Variants in LSAMP observed in about 807,000 individuals in gnomAD.
LSAMP encodes limbic system-associated membrane protein.
Under a neutral mutation model 38.6 loss-of-function variants are expected in LSAMP, and 7 were observed. The observed-to-expected ratio is 0.18, with a 90% CI of 0.10 to 0.34. The LOEUF (loss-of-function observed/expected upper bound fraction) is 0.34. Ranked by LOEUF, LSAMP falls within the 10% of genes least tolerant of loss-of-function variation. The pLI, the probability that LSAMP is intolerant of heterozygous loss-of-function variation, is 1.00. For synonymous variants in LSAMP, 154 were observed against 166.8 expected, an observed-to-expected ratio of 0.92 and a Z score of 0.59; for missense variants, 313 against 420.0, an observed-to-expected ratio of 0.75 and a Z score of 2.23.
At chr3:116,144,537 T>G (rs1709447338) in intron 1 of LSAMP, among the ~76,000 whole-genome samples, 1 of 143,568 alleles carries the variant, frequency 7.0e-6, no homozygotes, top group Non-Finnish European at 1.5e-5. Context: ...CAAAACAAAA[T>G]AAAATACTCT....
chr3:116,417,583 G>A (rs377511969), intron 1 of LSAMP, among the ~76,000 whole-genome samples: 4 of 152,094 alleles, frequency 2.6e-5, no homozygotes, highest in South Asian at 2.1e-4. Context: ...AAGAGGAATC[G>A]ACCTGCTGGA....
In LSAMP at chr3:115,810,276, T is replaced by C. The variant is rs1933779302; in HGVS notation, c.*41A>G. ...CTCTCTCTGTATTCTGTGTGACGCA[T>C]TTTTGTGTGTTTTTTAAATTATTTT... is the stretch of plus-strand genomic sequence containing the variant. On this transcript the variant is annotated 3_prime_UTR_variant, in exon 7 of 7. Transcript: ENST00000490035. 1 of 1,322,066 alleles carries C rather than the reference T, an allele frequency of 7.6e-7. No individual in the cohort carries two copies. The highest frequency in any genetic ancestry group is 1.3e-5 in the South Asian group (1 of 77,690). The allele number at this position is 1,322,066 out of a possible 1,614,324, so 81.9% of individuals were successfully genotyped here. A position where few individuals can be genotyped will look rare whatever the true frequency, so the allele number is the denominator to read the frequency against.
At chr3:115,943,336 G>A (rs539737009) in intron 3 of LSAMP, among the ~76,000 whole-genome samples, 5 of 152,274 alleles carry the variant, frequency 3.3e-5, no homozygotes, top group Admixed American at 6.5e-5. Flanking sequence ...TCTTCCTTGA[G>A]ACCAGCTAGA....
intron 3 of LSAMP, among the ~76,000 whole-genome samples, chr3:115,996,997 T>C (rs145104333): frequency 1.9e-3 from 295 of 152,074 alleles, no homozygotes; most frequent in Middle Eastern, 3.4e-3. Context: ...CCGACTAGAG[T>C]GACCATGTGA....
intron 2 of LSAMP, among the ~76,000 whole-genome samples, chr3:116,036,531 C>T (rs1941049239): frequency 6.6e-6 from 1 of 152,122 alleles, no homozygotes; most frequent in South Asian, 2.1e-4. Flanking sequence ...GTCAGGCATT[C>T]GTTATCTGTG....
At chr3:116,276,263 C>T (rs2047050660) in intron 1 of LSAMP, among the ~76,000 whole-genome samples, 1 of 152,096 alleles carries the variant, frequency 6.6e-6, no homozygotes, top group South Asian at 2.1e-4. Flanking sequence ...GGTGAGTGTG[C>T]CTCTGAAATC....
chr3:116,198,403 A>C (rs2045938923), intron 1 of LSAMP, among the ~76,000 whole-genome samples: 1 of 152,032 alleles, frequency 6.6e-6, no homozygotes, highest in South Asian at 2.1e-4. Context: ...GAGATTGAGT[A>C]CTCCAACAAA....
chr3:115,815,692 C>T (rs1201363815), intron 6 of LSAMP, among the ~76,000 whole-genome samples: 1 of 152,174 alleles, frequency 6.6e-6, no homozygotes, highest in Non-Finnish European at 1.5e-5. Context: ...TAATGTATCA[C>T]ATATAACACT....
intron 1 of LSAMP, among the ~76,000 whole-genome samples, chr3:116,109,376 G>T (rs1267639591): frequency 1.3e-5 from 2 of 152,080 alleles, no homozygotes; most frequent in Non-Finnish European, 2.9e-5. Flanking sequence ...GAGGGGAGAG[G>T]TCAGATAGGT....
chr3:115,955,837 C>T (rs144733464), intron 3 of LSAMP, among the ~76,000 whole-genome samples: 62 of 152,290 alleles, frequency 4.1e-4, no homozygotes, highest in East Asian at 2.3e-3. Context: ...AACATGAATG[C>T]TATTGGTCCT....
chr3:116,350,071 A>T (rs2048116150), intron 1 of LSAMP, among the ~76,000 whole-genome samples: 1 of 152,030 alleles, frequency 6.6e-6, no homozygotes, highest in Non-Finnish European at 1.5e-5. Context: ...TTATTTGTAC[A>T]TATGTTACTT....
At chr3:116,287,724 C>T (rs2047212228) in intron 1 of LSAMP, among the ~76,000 whole-genome samples, 1 of 152,154 alleles carries the variant, frequency 6.6e-6, no homozygotes, top group Non-Finnish European at 1.5e-5. Flanking sequence ...TCTAACTTTA[C>T]CAACCTCATC....
chr3:115,980,264 T>C (rs1281497483), intron 3 of LSAMP, among the ~76,000 whole-genome samples: 1 of 152,098 alleles, frequency 6.6e-6, no homozygotes, highest in East Asian at 1.9e-4. Context: ...TTACTTAGAG[T>C]TTCATAAAAA....
intron 1 of LSAMP, among the ~76,000 whole-genome samples, chr3:116,267,933 T>G (rs1040015174): frequency 6.6e-6 from 1 of 151,930 alleles, no homozygotes; most frequent in African/African-American, 2.4e-5. Context: ...AGGAATGGAG[T>G]GTAATGACTG....
chr3:115,828,323 G>GT (rs1382891601), intron 6 of LSAMP, among the ~76,000 whole-genome samples: 12 of 151,944 alleles, frequency 7.9e-5, no homozygotes, highest in South Asian at 2.1e-4. Flanking sequence ...ACTTGGGAGA[G>GT]TTTTTTTTGC....
intron 2 of LSAMP, among the ~76,000 whole-genome samples, chr3:116,029,599 G>T (rs888203863): frequency 6.6e-6 from 1 of 152,114 alleles, no homozygotes; most frequent in African/African-American, 2.4e-5. Context: ...TAGGTACCGT[G>T]TGTGTTAATG....
At chr3:115,895,400 C>T (rs570291806) in intron 3 of LSAMP, among the ~76,000 whole-genome samples, 1 of 152,152 alleles carries the variant, frequency 6.6e-6, no homozygotes, top group Non-Finnish European at 1.5e-5. Context: ...GTATTGGGAG[C>T]AAGGGTCTCC....
chr3:116,209,322 C>A (rs942153972), intron 1 of LSAMP, among the ~76,000 whole-genome samples: 1 of 152,188 alleles, frequency 6.6e-6, no homozygotes, highest in African/African-American at 2.4e-5. Context: ...TGAGATGAAC[C>A]CAGTACCTCA....
intron 3 of LSAMP, among the ~76,000 whole-genome samples, chr3:115,999,201 T>C (rs1480690729): frequency 6.6e-6 from 1 of 152,184 alleles, no homozygotes; most frequent in Non-Finnish European, 1.5e-5. Flanking sequence ...GCATATTCAG[T>C]GACAGGAATC....
Sources: gnomAD v4.1 joint callset for allele counts (sites outside exome capture counted in the v4.1 genomes callset) on GRCh38, gnomAD v4.1.1 for gene constraint, MANE v1.5 for transcripts, NCBI Gene and HGNC (gene_info 2026-07-23, HGNC 2026-07-21) for gene names.